ITSN1: variants seen among roughly 807,000 people sequenced by gnomAD.
The protein encoded by ITSN1 is intersectin 1, also known as intersectin-1.
In ITSN1, 58 loss-of-function variants were observed where a neutral mutation model predicts 239.8. The observed-to-expected ratio is 0.24, with a 90% CI of 0.20 to 0.30. The LOEUF (loss-of-function observed/expected upper bound fraction) is 0.30, where lower values mean the gene tolerates loss of function less well. Ranked by LOEUF, ITSN1 falls within the 10% of genes least tolerant of loss-of-function variation. The probability of loss-of-function intolerance (pLI) is 1.00; values close to 1 mark genes in which losing one functional copy is unlikely to be tolerated. For missense variants in ITSN1, 1,558 were observed against 2,103.3 expected, an observed-to-expected ratio of 0.74 and a Z score of 5.07; for synonymous variants, 780 against 770.8, an observed-to-expected ratio of 1.01 and a Z score of -0.20.
intron 26 of ITSN1, 154 bp from the exon 27 acceptor site, chr21:33,829,470 C>A (rs1167909519): frequency 4.0e-6 from 3 of 753,106 alleles, no homozygotes; most frequent in Admixed American, 2.4e-5. Flanking sequence ...TGGGAACGGG[C>A]GATTCAGGGA....
intron 1 of ITSN1, among the ~76,000 whole-genome samples, chr21:33,670,216 G>T (rs898990146): frequency 7.9e-5 from 12 of 152,112 alleles, no homozygotes; most frequent in Admixed American, 2.0e-4. Context: ...TTAGCCAGGG[G>T]TGGTGACATG....
At chr21:33,808,112 G>C (rs2072605952) in intron 20 of ITSN1, among the ~76,000 whole-genome samples, 1 of 150,040 alleles carries the variant, frequency 6.7e-6, no homozygotes, top group East Asian at 2.0e-4. Flanking sequence ...GCATGAACCC[G>C]GGAAGCGGAG....
intron 7 of ITSN1, among the ~76,000 whole-genome samples, chr21:33,752,769 G>T (rs903588253): frequency 6.6e-6 from 1 of 151,268 alleles, no homozygotes; most frequent in Non-Finnish European, 1.5e-5. Context: ...CAGGGAGATC[G>T]AGGCTGCAGT....
chr21:33,721,417 A>AT (rs986913948), intron 3 of ITSN1, 147 bp downstream of exon 3: 6 of 589,554 alleles, frequency 1.0e-5, no homozygotes, highest in African/African-American at 5.6e-5. Flanking sequence ...TCCTTTTACA[A>AT]TTTTTTTACA....
At position 33,662,575 on chromosome 21, in the gene ITSN1, T is replaced by C. The variant is rs1429268801; in HGVS notation, c.-33+19862T>C. ...AAAAACTGATTTCCTTTAACAGTTA[T>C]TTGAATGATACCCATTTTCCTAATC... On this transcript the variant is annotated intron_variant, in intron 1 of 39. Coordinates refer to ENST00000381318, the MANE Select transcript of ITSN1 (RefSeq NM_003024.3). 2.0e-5 allele frequency among the ~76,000 whole-genome samples: 3 copies of C among 152,232 alleles called. No homozygotes were observed. In the East Asian group the frequency reaches 5.8e-4, roughly 29 times the overall value.
intron 1 of ITSN1, among the ~76,000 whole-genome samples, chr21:33,678,664 G>A (rs917519920): frequency 2.6e-5 from 4 of 152,306 alleles, no homozygotes; most frequent in Admixed American, 6.5e-5. Flanking sequence ...GGAAGATGAG[G>A]ATTTATTCTA....
intron 4 of ITSN1, 92 bp downstream of exon 4, chr21:33,722,743 T>C: frequency 1.6e-6 from 2 of 1,229,950 alleles, no homozygotes; most frequent in Non-Finnish European, 2.2e-6. Flanking sequence ...TCTTATGTTA[T>C]AAAAGGAGAA....
chr21:33,743,790 T>A (rs1437143966), intron 5 of ITSN1, among the ~76,000 whole-genome samples: 1 of 152,254 alleles, frequency 6.6e-6, no homozygotes, highest in Non-Finnish European at 1.5e-5. Context: ...AATTAGATTA[T>A]GTTCAGATTT....
At chr21:33,827,079 A>G (rs1192541307) in intron 26 of ITSN1, among the ~76,000 whole-genome samples, 1 of 152,226 alleles carries the variant, frequency 6.6e-6, no homozygotes, top group African/African-American at 2.4e-5. Context: ...GTTACCTAAC[A>G]GAATGTTCTC....
intron 25 of ITSN1, 137 bp downstream of exon 25, chr21:33,823,790 A>G (rs2073823566): frequency 5.0e-6 from 4 of 805,714 alleles, no homozygotes; most frequent in Non-Finnish European, 7.9e-6. Context: ...GTGACCTGTC[A>G]TTGTTTGATC....
chr21:33,687,371 C>G (rs1391994013), intron 1 of ITSN1, among the ~76,000 whole-genome samples: 2 of 138,964 alleles, frequency 1.4e-5, no homozygotes, highest in Admixed American at 7.7e-5. Context: ...GCACTTCAGC[C>G]TGGGCAACAA....
In ITSN1 at chr21:33,744,739, A is replaced by G. The variant is rs138507706; in HGVS notation, c.347-5404A>G. Among the ~76,000 whole-genome samples, 112 of 152,342 alleles carry G rather than the reference A, an allele frequency of 7.4e-4. 1 individual carries two copies. The highest frequency in any genetic ancestry group is 1.3e-3 in the Non-Finnish European group (86 of 68,032). On this transcript the variant is annotated intron_variant, in intron 5 of 39. Coordinates refer to ENST00000381318, the MANE Select transcript of ITSN1 (RefSeq NM_003024.3). ...CAGAAGCCAACCCGAAGAGGCTTAC[A>G]TTGGCCAAAGAGAGGACAGTTTGAA...
chr21:33,680,875 A>G (rs1452019231), intron 1 of ITSN1, among the ~76,000 whole-genome samples: 1 of 152,198 alleles, frequency 6.6e-6, no homozygotes, highest in Non-Finnish European at 1.5e-5. Context: ...AGGTTATTTA[A>G]TATTCTCTGT....
chr21:33,765,082 A>G (rs1456557412), intron 9 of ITSN1, among the ~76,000 whole-genome samples: 2 of 152,226 alleles, frequency 1.3e-5, no homozygotes, highest in African/African-American at 4.8e-5. Flanking sequence ...CCATTCATTT[A>G]TATGTTGTCT....
intron 14 of ITSN1, among the ~76,000 whole-genome samples, chr21:33,777,001 A>G (rs2069688235): frequency 6.6e-6 from 1 of 151,936 alleles, no homozygotes; most frequent in African/African-American, 2.4e-5. Flanking sequence ...CATGACTGCA[A>G]ATATTTTATT....
intron 29 of ITSN1, chr21:33,837,845 G>A (rs1329682235): frequency 1.6e-5 from 16 of 985,694 alleles, no homozygotes; most frequent in East Asian, 1.1e-4. Flanking sequence ...TTAATTTTGC[G>A]TGTTTGCATA....
chr21:33,650,325 G>A (rs2088397812), intron 1 of ITSN1, among the ~76,000 whole-genome samples: 1 of 152,172 alleles, frequency 6.6e-6, no homozygotes, highest in African/African-American at 2.4e-5. Flanking sequence ...TAAGAAGGAC[G>A]CTGACTCTTA....
intron 20 of ITSN1, among the ~76,000 whole-genome samples, chr21:33,807,345 C>T (rs1457130220): frequency 6.6e-6 from 1 of 152,162 alleles, no homozygotes; most frequent in Non-Finnish European, 1.5e-5. Context: ...CTTCAGGTCG[C>T]ATTCCAGATG....
intron 23 of ITSN1, 94 bp downstream of exon 23, chr21:33,818,566 G>A (rs989748475): frequency 2.3e-5 from 26 of 1,128,948 alleles, no homozygotes; most frequent in East Asian, 1.9e-4. Flanking sequence ...CAGGAGTTGC[G>A]GGATTAGTTT....
Sources: gnomAD v4.1 joint callset for allele counts (sites outside exome capture counted in the v4.1 genomes callset) on GRCh38, gnomAD v4.1.1 for gene constraint, MANE v1.5 for transcripts, NCBI Gene and HGNC (gene_info 2026-07-23, HGNC 2026-07-21) for gene names.